PKP1: variants seen among roughly 807,000 people sequenced by gnomAD.
The protein encoded by PKP1 is plakophilin-1.
PKP1 carries 27 observed loss-of-function variants against 76.4 expected under a neutral mutation model. The observed-to-expected ratio is 0.35, with a 90% CI of 0.26 to 0.49. PKP1 has a LOEUF of 0.49. Among genes scored for constraint, PKP1 ranks in the 20% least tolerant of loss-of-function variants. PKP1 has a pLI of 0.99. For missense variants in PKP1, 964 were observed against 955.2 expected (o/e 1.01, Z -0.12); for synonymous variants, 404 against 384.2 (o/e 1.05, Z -0.60).
chr1:201,317,192 A>G (rs937132227), intron 4 of PKP1, among the ~76,000 whole-genome samples: 1 of 152,142 alleles, frequency 6.6e-6, no homozygotes, highest in Non-Finnish European at 1.5e-5. Context: ...AGAGTCCCGG[A>G]TAAGTTTGTA....
At position 201,321,130 on chromosome 1, in the gene PKP1, G is replaced by A. The variant is rs114450718; in HGVS notation, c.1347+749G>A. Among the ~76,000 whole-genome samples the A allele has an allele frequency of 4.3e-3, 653 of 152,260 alleles. 6 individuals carry two copies. Among genetic ancestry groups the A allele is most frequent in the African/African-American group, 0.014 (599 of 41,534 alleles). ...CACCTGGGTTCTCAGCACAGTTGCC[G>A]TAAGGAGGGATTTTATCTCCTGCTC... is the stretch of plus-strand genomic sequence containing the variant. On this transcript the variant is annotated intron_variant, in intron 7 of 13. Transcript: ENST00000367324.
At chr1:201,306,573 A>C (rs915138135) in intron 2 of PKP1, among the ~76,000 whole-genome samples, 1 of 152,264 alleles carries the variant, frequency 6.6e-6, no homozygotes, top group African/African-American at 2.4e-5. Flanking sequence ...GCATGATTGA[A>C]GTATGCTCAC....
chr1:201,328,470 T>G, intron 12 of PKP1: 1 of 466,264 alleles, frequency 2.1e-6, no homozygotes, highest in Non-Finnish European at 4.0e-6. Flanking sequence ...TTGCTCTGTT[T>G]AAAAAATAAT....
At chr1:201,299,768 A>G (rs978476700) in intron 2 of PKP1, among the ~76,000 whole-genome samples, 4 of 152,248 alleles carry the variant, frequency 2.6e-5, no homozygotes, top group African/African-American at 9.6e-5. Context: ...AGCTTCACAG[A>G]CAGGGAAACT....
chr1:201,289,586 A>G (rs1290150915), intron 1 of PKP1, among the ~76,000 whole-genome samples: 3 of 151,880 alleles, frequency 2.0e-5, no homozygotes, highest in Non-Finnish European at 4.4e-5. Context: ...TGGGCCTGGG[A>G]TTGGGGGTGT....
chr1:201,296,838 G>A (rs1366200040), intron 2 of PKP1, among the ~76,000 whole-genome samples: 4 of 152,158 alleles, frequency 2.6e-5, no homozygotes, highest in Non-Finnish European at 5.9e-5. Context: ...TTTCTTTATT[G>A]TCATGACCTG....
chr1:201,284,367 T>G (rs1031844731), intron 1 of PKP1, among the ~76,000 whole-genome samples: 1 of 152,176 alleles, frequency 6.6e-6, no homozygotes, highest in Non-Finnish European at 1.5e-5. Context: ...TCACCCTTCC[T>G]GGGCTTGATC....
chr1:201,325,252 G>C, intron 11 of PKP1, 125 bp downstream of exon 11: 1 of 981,666 alleles, frequency 1.0e-6, no homozygotes, highest in Admixed American at 1.8e-5. Flanking sequence ...GGGAGCCAGG[G>C]ACGGGGGAGG....
chr1:201,287,499 G>A (rs937667959), intron 1 of PKP1, among the ~76,000 whole-genome samples: 11 of 152,244 alleles, frequency 7.2e-5, no homozygotes, highest in Non-Finnish European at 1.5e-4. Flanking sequence ...TCTTGGGACC[G>A]AAGCTGAGAT....
rs1210397498 is a variant in PKP1, at chr1:201,322,121, C to T, written c.1491C>T (p.Ser497=). The change falls in exon 8 of 14, where the codon AGC becomes AGT. Residue 497 remains serine (S), a synonymous_variant. Coordinates refer to ENST00000367324, the MANE Select transcript of PKP1 (RefSeq NM_001005337.3). ...KSSTGCFSNK[S]DKMMNNNYDC... is the part of the protein sequence containing the mutation. ...CCACTGGCTGCTTCAGCAACAAGAG[C>T]GACAAGATGATGGTGAGCACAGCAT... 30 of 1,611,516 alleles carry T rather than the reference C, an allele frequency of 1.9e-5. No homozygotes were observed. In the Middle Eastern group the frequency reaches 6.6e-4, roughly 35 times the overall value.
chr1:201,311,473 T>C (rs1233582924), intron 2 of PKP1, among the ~76,000 whole-genome samples: 1 of 152,164 alleles, frequency 6.6e-6, no homozygotes, highest in Non-Finnish European at 1.5e-5. Flanking sequence ...AGGTTAACAG[T>C]CTGTGGCTTC....
At chr1:201,290,684 G>A (rs749404867) in intron 1 of PKP1, among the ~76,000 whole-genome samples, 87 of 152,330 alleles carry the variant, frequency 5.7e-4, no homozygotes, top group Non-Finnish European at 9.4e-4. Context: ...GGGAGAAGAG[G>A]TCATTGACGC....
Position 201,321,968 on chromosome 1 carries a change from T to A in PKP1, c.1348-10T>A. 1 of 1,613,964 alleles carries A rather than the reference T, an allele frequency of 6.2e-7. No individual in the cohort carries two copies. Among genetic ancestry groups the A allele is most frequent in the Non-Finnish European group, 8.5e-7 (1 of 1,179,992 alleles). On this transcript the variant is annotated splice_polypyrimidine_tract_variant and intron_variant, in intron 7 of 13. Transcript: ENST00000367324. ...AGAGGCTCAGGCCCATGCCTCTCCT[T>A]GGTCCCCAGTCTGTGGAAAACTGCA...
chr1:201,329,029 C>T (rs909877489), intron 13 of PKP1, among the ~76,000 whole-genome samples, 161 bp downstream of exon 13: 4 of 152,010 alleles, frequency 2.6e-5, no homozygotes, highest in Admixed American at 6.5e-5. Context: ...TGGCTGGGGG[C>T]GTAGTTTGTC....
chr1:201,296,572 T>C (rs1315386786), intron 2 of PKP1, among the ~76,000 whole-genome samples: 2 of 152,204 alleles, frequency 1.3e-5, no homozygotes, highest in Non-Finnish European at 2.9e-5. Flanking sequence ...CCAACTTGTA[T>C]TGAGCAATTG....
intron 12 of PKP1, among the ~76,000 whole-genome samples, chr1:201,328,053 A>C (rs1422667036): frequency 6.6e-6 from 1 of 152,142 alleles, no homozygotes; most frequent in East Asian, 1.9e-4. Flanking sequence ...CTGTTCCCAC[A>C]GGTCGGTGAT....
intron 3 of PKP1, among the ~76,000 whole-genome samples, chr1:201,313,865 C>T (rs886134813): frequency 1.3e-5 from 2 of 152,232 alleles, no homozygotes; most frequent in Admixed American, 1.3e-4. Context: ...CAACCAGCAA[C>T]ATCAGCATCA....
At chr1:201,326,373 A>G (rs1722741) in intron 12 of PKP1, among the ~76,000 whole-genome samples, 121,638 of 152,162 alleles carry the variant, frequency 0.8, 50,665 homozygotes, top group East Asian at 0.99. Flanking sequence ...TCCTGTGGTG[A>G]CCTTGGCCTC....
At chr1:201,329,952 C>A (rs980041460) in intron 13 of PKP1, 122 bp from the exon 14 acceptor site, 1 of 152,234 alleles carries the variant, frequency 6.6e-6, no homozygotes, top group Non-Finnish European at 1.5e-5. Flanking sequence ...AGCCTTGAAT[C>A]CAGTCTCAGG....
Sources: allele counts gnomAD v4.1 joint callset (sites outside exome capture counted in the v4.1 genomes callset), GRCh38; gene constraint gnomAD v4.1.1; transcripts MANE v1.5; gene names NCBI Gene and HGNC (gene_info 2026-07-23, HGNC 2026-07-21).